Variants in ADISSP observed in about 807,000 individuals in gnomAD.
The protein encoded by ADISSP is adipose secreted signaling protein.
the ADISSP span, chr20:3,754,370 C>T: frequency 6.2e-7 from 1 of 1,601,350 alleles, no homozygotes; most frequent in East Asian, 2.2e-5. Flanking sequence ...TGCATCCCTC[C>T]TCCAACCAGG....
At chr20:3,758,633 T>C in the ADISSP span, 1 of 1,613,984 alleles carries the variant, frequency 6.2e-7, no homozygotes, top group Non-Finnish European at 8.5e-7. The surrounding 1 kb of genome is among the most constrained non-coding windows in gnomAD (Gnocchi z 5.5). Context: ...TCCTTCTGCA[T>C]CGTGGCCTGC....
chr20:3,755,535 C>A, the ADISSP span: 1 of 1,613,546 alleles, frequency 6.2e-7, no homozygotes. Context: ...TCGCGGACAT[C>A]CTTGCTCAGC....
the ADISSP span, chr20:3,755,652 T>C: frequency 1.9e-6 from 3 of 1,550,896 alleles, no homozygotes; most frequent in Non-Finnish European, 2.6e-6. Flanking sequence ...CACTTCCTGC[T>C]TCCCGCAGGC....
chr20:3,755,456 G>A, the ADISSP span: 3 of 1,603,014 alleles, frequency 1.9e-6, no homozygotes, highest in East Asian at 6.7e-5. Flanking sequence ...CCCTGCTGGA[G>A]GAGGGGACGC....
chr20:3,761,343 T>TG, the ADISSP span, among the ~76,000 whole-genome samples: 1 of 151,146 alleles, frequency 6.6e-6, no homozygotes, highest in African/African-American at 2.4e-5. Flanking sequence ...TTTGTTTTTT[T>TG]TTTTTTTCTG....
the ADISSP span, among the ~76,000 whole-genome samples, chr20:3,757,711 C>T: frequency 2.6e-5 from 4 of 152,152 alleles, no homozygotes; most frequent in Admixed American, 6.5e-5. Flanking sequence ...TCACTGCAAC[C>T]TCAGCCTCCT....
chr20:3,759,953 GCACACACGCACTCACACATGCACACA>G, the ADISSP span: 1 of 1,425,396 alleles, frequency 7.0e-7, no homozygotes, highest in Non-Finnish European at 9.7e-7. This position sits in a 1 kb window ranked among gnomAD's most constrained non-coding sequence, Gnocchi z 4.6. Flanking sequence ...TCGCACACCA[GCACACACGCACTCACACATGCACACA>G]CACACACACA....
the ADISSP span, among the ~76,000 whole-genome samples, chr20:3,764,252 A>G: frequency 6.6e-6 from 1 of 152,158 alleles, no homozygotes; most frequent in East Asian, 1.9e-4. Flanking sequence ...CTCTGCAGCC[A>G]GGAGGCAGTG....
chr20:3,761,817 AC>A, the ADISSP span, among the ~76,000 whole-genome samples: 1 of 152,184 alleles, frequency 6.6e-6, no homozygotes. Flanking sequence ...AAAAGGTTTA[AC>A]CTGGAATCTA....
chr20:3,754,461 T>C, the ADISSP span: 1 of 1,614,070 alleles, frequency 6.2e-7, no homozygotes, highest in African/African-American at 1.3e-5. Context: ...AGGCTAGCAG[T>C]ATCTCCTCTT....
the ADISSP span, chr20:3,767,967 G>A: frequency 6.6e-6 from 1 of 152,292 alleles, no homozygotes; most frequent in Non-Finnish European, 1.5e-5. Flanking sequence ...AAGACGGGCA[G>A]GCGGCCCAAC....
At chr20:3,757,428 T>C in the ADISSP span, among the ~76,000 whole-genome samples, 1 of 152,200 alleles carries the variant, frequency 6.6e-6, no homozygotes, top group African/African-American at 2.4e-5. Context: ...GTGGGTACTT[T>C]TAAATTTCTT....
chr20:3,764,610 C>A, the ADISSP span, among the ~76,000 whole-genome samples: 2 of 152,374 alleles, frequency 1.3e-5, no homozygotes, highest in South Asian at 4.1e-4. Context: ...TGTCTGGGAT[C>A]ATTTGATATC....
At chr20:3,766,613 C>T in the ADISSP span, among the ~76,000 whole-genome samples, 1 of 152,226 alleles carries the variant, frequency 6.6e-6, no homozygotes, top group Non-Finnish European at 1.5e-5. Context: ...TGCCCTGGGC[C>T]TGTGATCCAG....
the ADISSP span, among the ~76,000 whole-genome samples, chr20:3,758,847 G>A: frequency 4.6e-5 from 7 of 152,244 alleles, no homozygotes; most frequent in South Asian, 2.1e-4. The surrounding 1 kb of genome is among the most constrained non-coding windows in gnomAD (Gnocchi z 5.5). Flanking sequence ...AGGCCTCCCC[G>A]CCGGCCCCGA....
At chr20:3,753,971 C>G in the ADISSP span, 1 of 1,016,322 alleles carries the variant, frequency 9.8e-7, no homozygotes, top group Non-Finnish European at 1.5e-6. Flanking sequence ...CAGAGAGGGG[C>G]GAGGAAGCCA....
At chr20:3,754,602 C>T in the ADISSP span, 1 of 1,430,248 alleles carries the variant, frequency 7.0e-7, no homozygotes, top group East Asian at 2.3e-5. Flanking sequence ...CCCTACCCAC[C>T]ACCATGGGGG....
chr20:3,756,952 G>A, the ADISSP span, among the ~76,000 whole-genome samples: 3 of 151,972 alleles, frequency 2.0e-5, no homozygotes, highest in African/African-American at 4.8e-5. Context: ...GTGTGGACAC[G>A]GTGAGGCCAG....
chr20:3,761,270 G>A, the ADISSP span, among the ~76,000 whole-genome samples: 3 of 152,068 alleles, frequency 2.0e-5, no homozygotes, highest in Non-Finnish European at 4.4e-5. Context: ...CAGAGGGGAA[G>A]GTTGACAGGA....
Sources: allele counts gnomAD v4.1 joint callset (sites outside exome capture counted in the v4.1 genomes callset), GRCh38; gene constraint gnomAD v4.1.1; non-coding constraint Gnocchi (gnomAD v3.1); transcripts MANE v1.5; gene names NCBI Gene and HGNC (gene_info 2026-07-23, HGNC 2026-07-21).